The following POLA1 variants were observed in gnomAD, a reference collection of about 807,000 sequenced individuals.
The protein encoded by POLA1 is DNA polymerase alpha catalytic subunit.
In POLA1, 15 loss-of-function variants were observed where a neutral mutation model predicts 124.0. The observed-to-expected ratio is 0.12, with a 90% CI of 0.08 to 0.19. POLA1 has a LOEUF of 0.19. Ranked by LOEUF, POLA1 falls within the 10% of genes least tolerant of loss-of-function variation. The pLI is 1.00. For missense variants in POLA1, 886 were observed against 1,103.4 expected, an observed-to-expected ratio of 0.80 and a Z score of 2.79; for synonymous variants, 408 against 389.4, an observed-to-expected ratio of 1.05 and a Z score of -0.56.
intron 36 of POLA1, among the ~76,000 whole-genome samples, chrX:24,990,696 C>T (rs2048525154): frequency 1.8e-5 from 2 of 112,232 alleles, no homozygotes; most frequent in Admixed American, 1.9e-4. Context: ...TTGTTAGATA[C>T]CGCTGAAGCT....
chrX:24,694,328 A>G (rs1211187579), intron 1 of POLA1, among the ~76,000 whole-genome samples: 3 of 112,526 alleles, frequency 2.7e-5, no homozygotes, highest in Non-Finnish European at 5.6e-5. Flanking sequence ...CGTGGGGCCG[A>G]AAGTATTTCA....
chrX:24,877,157 G>A (rs1000301380), intron 34 of POLA1, among the ~76,000 whole-genome samples: 1 of 111,787 alleles, frequency 8.9e-6, no homozygotes, highest in African/African-American at 3.3e-5. Context: ...CGGGTTTGGG[G>A]GAGGGGGTGA....
intron 15 of POLA1, among the ~76,000 whole-genome samples, chrX:24,729,908 G>A (rs1320544859): frequency 9.1e-6 from 1 of 110,282 alleles, no homozygotes; most frequent in Non-Finnish European, 1.9e-5. Flanking sequence ...AGGTTCCAGT[G>A]ATTCTCCTGC....
At chrX:24,917,689 G>T (rs143613285) in intron 35 of POLA1, among the ~76,000 whole-genome samples, 10 of 111,837 alleles carry the variant, frequency 8.9e-5, no homozygotes, top group African/African-American at 3.2e-4. Flanking sequence ...TTAGGATAGA[G>T]AGTCTGTGTC....
chrX:24,877,691 T>C (rs1365376613), intron 34 of POLA1, among the ~76,000 whole-genome samples: 2 of 112,043 alleles, frequency 1.8e-5, no homozygotes, highest in Non-Finnish European at 3.8e-5. Flanking sequence ...GAAGAGAAAT[T>C]TTAGTTTTAA....
chrX:24,739,700 C>T, intron 20 of POLA1, 150 bp downstream of exon 20: 1 of 396,064 alleles, frequency 2.5e-6, no homozygotes, highest in Non-Finnish European at 4.3e-6. Context: ...AACTAGTTTA[C>T]CTCTTGAATT....
intron 31 of POLA1, among the ~76,000 whole-genome samples, chrX:24,823,176 T>G (rs1332320349): frequency 8.9e-6 from 1 of 111,773 alleles, no homozygotes; most frequent in East Asian, 2.8e-4. Flanking sequence ...ATTTGCTTTT[T>G]AAAAGTATGA....
intron 2 of POLA1, among the ~76,000 whole-genome samples, chrX:24,700,169 C>A (rs1381083371): frequency 9.2e-6 from 1 of 108,369 alleles, no homozygotes; most frequent in African/African-American, 3.4e-5. Flanking sequence ...TTAACCAATA[C>A]TAGAAAATAA....
chrX:24,936,724 G>C (rs925480838), intron 36 of POLA1, among the ~76,000 whole-genome samples: 1 of 111,086 alleles, frequency 9.0e-6, no homozygotes. Flanking sequence ...GTAGAGATGG[G>C]GTTTCACCGC....
At chrX:24,877,503 G>A (rs1175457501) in intron 34 of POLA1, among the ~76,000 whole-genome samples, 1 of 111,802 alleles carries the variant, frequency 8.9e-6, no homozygotes, top group Admixed American at 9.5e-5. Context: ...AAGGAGGCTG[G>A]AGGAGGGGGC....
chrX:24,789,565 G>A (rs1005496168), intron 26 of POLA1, among the ~76,000 whole-genome samples: 1 of 110,828 alleles, frequency 9.0e-6, no homozygotes, highest in Non-Finnish European at 1.9e-5. Flanking sequence ...AGGCCTTTCC[G>A]TTAGGTCGGG....
At chrX:24,849,947 A>C (rs759078379) in intron 34 of POLA1, among the ~76,000 whole-genome samples, 1 of 110,728 alleles carries the variant, frequency 9.0e-6, no homozygotes, top group African/African-American at 3.3e-5. Context: ...TTTTTATTTT[A>C]AGTTTTGTAT....
chrX:24,785,688 A>G (rs186168834), intron 26 of POLA1, among the ~76,000 whole-genome samples: 4 of 112,154 alleles, frequency 3.6e-5, no homozygotes, highest in Admixed American at 1.9e-4. Context: ...TTAATTGACA[A>G]AGATTATATA....
chrX:24,789,564 C>T (rs540519363), intron 26 of POLA1, among the ~76,000 whole-genome samples: 3 of 110,470 alleles, frequency 2.7e-5, no homozygotes, highest in Non-Finnish European at 3.8e-5. Context: ...AAGGCCTTTC[C>T]GTTAGGTCGG....
chrX:24,984,131 TGG>T (rs1289414618), intron 36 of POLA1, among the ~76,000 whole-genome samples: 294 of 112,642 alleles, frequency 2.6e-3, no homozygotes, highest in Non-Finnish European at 3.4e-3. Context: ...TAGCTTTAAA[TGG>T]ATAGCAACAA....
chrX:24,873,333 G>A (rs183138557), intron 34 of POLA1, among the ~76,000 whole-genome samples: 5 of 111,786 alleles, frequency 4.5e-5, no homozygotes, highest in Middle Eastern at 4.6e-3. Flanking sequence ...TGAACATACC[G>A]TTCTACTTTG....
At chrX:24,737,557 C>T (rs980983888) in intron 18 of POLA1, 68 bp from the exon 19 acceptor site, 35 of 569,331 alleles carry the variant, frequency 6.1e-5, no homozygotes, top group African/African-American at 2.3e-4. Flanking sequence ...AAATTCTGTG[C>T]GTATGAAGAT....
chrX:24,896,766 A>G (rs1187485426), intron 35 of POLA1, among the ~76,000 whole-genome samples: 1 of 112,429 alleles, frequency 8.9e-6, no homozygotes, highest in Admixed American at 9.4e-5. Flanking sequence ...CATGGCTGTT[A>G]AAGAGTATAG....
chrX:24,982,182 A>G (rs1421157650), intron 36 of POLA1, among the ~76,000 whole-genome samples: 2 of 110,115 alleles, frequency 1.8e-5, no homozygotes, highest in African/African-American at 6.6e-5. Context: ...TGGAAAACCA[A>G]TCTTCCACCA....
Sources: allele counts gnomAD v4.1 joint callset (sites outside exome capture counted in the v4.1 genomes callset), GRCh38; gene constraint gnomAD v4.1.1; transcripts MANE v1.5; gene names NCBI Gene and HGNC (gene_info 2026-07-23, HGNC 2026-07-21).